KIAA1217: variants seen among roughly 807,000 people sequenced by gnomAD.
KIAA1217 encodes the protein KIAA1217, also known as sickle tail protein homolog.
Under a neutral mutation model 163.9 loss-of-function variants are expected in KIAA1217, and 88 were observed. That is an observed-to-expected ratio of 0.54 (90% CI 0.45 to 0.64). The LOEUF (loss-of-function observed/expected upper bound fraction) is 0.64. Ranked by LOEUF, KIAA1217 falls within the 30% of genes least tolerant of loss-of-function variation. KIAA1217 has a pLI of 0.00. For missense variants in KIAA1217, 2,372 were observed against 2,475.0 expected (o/e 0.96, Z 0.88); for synonymous variants, 903 against 923.1 (o/e 0.98, Z 0.39).
chr10:24,531,879 G>A lies in KIAA1217; in HGVS notation c.3132G>A (p.Ser1044=), dbSNP rs765180894. The change falls in exon 15 of 21, where the codon TCG becomes TCA. Residue 1044 remains serine (S), a synonymous_variant. Transcript: ENST00000376454. The part of the protein sequence containing the change: ...EQDLEKLGGK[S]PPPPPPPPRR... ...ACTTGGAAAAGCTGGGGGGAAAGTC[G>A]CCCCCTCCTCCTCCGCCACCTCCTC... The A allele has an allele frequency of 2.7e-5, 43 of 1,607,182 alleles. No individual in the cohort carries two copies. The highest frequency in any genetic ancestry group is 1.3e-4 in the African/African-American group (10 of 74,738).
chr10:23,949,469 A>G (rs959714046), intron 1 of KIAA1217, among the ~76,000 whole-genome samples: 1 of 152,218 alleles, frequency 6.6e-6, no homozygotes, highest in Non-Finnish European at 1.5e-5. Context: ...CGTTTCCCTG[A>G]CAATGATTAC....
intron 2 of KIAA1217, among the ~76,000 whole-genome samples, chr10:24,014,721 G>GA (rs1447099505): frequency 1.3e-5 from 2 of 152,200 alleles, no homozygotes; most frequent in East Asian, 1.9e-4. Context: ...CAAAACTTTG[G>GA]AAAAAATTAG....
At chr10:23,701,952 A>G (rs1258542306) in intron 1 of KIAA1217, among the ~76,000 whole-genome samples, 1 of 152,224 alleles carries the variant, frequency 6.6e-6, no homozygotes, top group East Asian at 1.9e-4. Flanking sequence ...GTTTTGCTTT[A>G]CCAGAGAAAA....
intron 2 of KIAA1217, among the ~76,000 whole-genome samples, chr10:24,228,603 G>C (rs2070924060): frequency 6.6e-6 from 1 of 152,134 alleles, no homozygotes; most frequent in South Asian, 2.1e-4. Flanking sequence ...GACAGAGAGA[G>C]ACAGAGCTGA....
intron 2 of KIAA1217, among the ~76,000 whole-genome samples, chr10:24,114,252 G>A (rs1201028882): frequency 6.6e-6 from 1 of 152,158 alleles, no homozygotes; most frequent in Non-Finnish European, 1.5e-5. Flanking sequence ...AATGCTGACT[G>A]ATGGATGCAG....
intron 1 of KIAA1217, among the ~76,000 whole-genome samples, chr10:23,830,497 C>G (rs918227885): frequency 6.6e-6 from 1 of 152,084 alleles, no homozygotes; most frequent in Non-Finnish European, 1.5e-5. Context: ...CTTTTAAGAG[C>G]CTTCTGTCTC....
intron 1 of KIAA1217, among the ~76,000 whole-genome samples, chr10:23,708,736 A>T (rs910169476): frequency 6.6e-6 from 1 of 152,194 alleles, no homozygotes; most frequent in Non-Finnish European, 1.5e-5. Context: ...GATTTATTCT[A>T]AGGATGGTAT....
At chr10:23,707,857 C>T (rs749553049) in intron 1 of KIAA1217, among the ~76,000 whole-genome samples, 2 of 152,004 alleles carry the variant, frequency 1.3e-5, no homozygotes, top group Non-Finnish European at 2.9e-5. Context: ...CATTCCAGTT[C>T]TTTACATTTT....
intron 1 of KIAA1217, among the ~76,000 whole-genome samples, chr10:24,211,586 TATTG>T (rs1426169947): frequency 3.4e-5 from 5 of 145,824 alleles, no homozygotes; most frequent in South Asian, 2.2e-4. Flanking sequence ...TATTGTATTG[TATTG>T]TATTTTATTT....
intron 1 of KIAA1217, among the ~76,000 whole-genome samples, chr10:23,918,733 T>TATACACACACACAC (rs769797460): frequency 5.4e-5 from 8 of 147,476 alleles, no homozygotes; most frequent in African/African-American, 2.0e-4. Flanking sequence ...ATTAAATATA[T>TATACACACACACAC]ACACACACAC....
intron 2 of KIAA1217, among the ~76,000 whole-genome samples, chr10:24,319,160 C>A (rs984306864): frequency 3.9e-5 from 6 of 152,004 alleles, no homozygotes; most frequent in Non-Finnish European, 7.4e-5. Flanking sequence ...GGCAGATCAC[C>A]TGAGGTCAGG....
Position 24,238,706 on chromosome 10 carries a change from G to A in KIAA1217, c.354+18797G>A, listed in dbSNP as rs1054030066. Among the ~76,000 whole-genome samples, 5 of 152,126 alleles carry A rather than the reference G, an allele frequency of 3.3e-5. No individual in the cohort carries two copies. The South Asian group carries it at 1.0e-3, about 32-fold the overall frequency. The stretch of plus-strand genomic sequence containing the variant: ...AAGGGGGCTGGTGGAGAACAGAGTG[G>A]AAAAGAAGTATCAATTGAAGGTTTT... On this transcript the variant is annotated intron_variant, in intron 2 of 20. Coordinates refer to ENST00000376454, the MANE Select transcript of KIAA1217 (RefSeq NM_019590.5).
intron 3 of KIAA1217, among the ~76,000 whole-genome samples, chr10:24,420,989 TTTTG>T (rs370766839): frequency 0.01 from 1,497 of 146,166 alleles, 30 homozygotes; most frequent in African/African-American, 0.036. Flanking sequence ...TTATAAGTGG[TTTTG>T]TTTGTTTGTT....
chr10:23,826,116 A>C (rs1390752173), intron 1 of KIAA1217, among the ~76,000 whole-genome samples: 1 of 152,134 alleles, frequency 6.6e-6, no homozygotes, highest in Non-Finnish European at 1.5e-5. Context: ...AGTTGAGTCT[A>C]TCTAGATTTA....
At chr10:24,010,869 A>G (rs923476629) in intron 2 of KIAA1217, among the ~76,000 whole-genome samples, 38 of 152,092 alleles carry the variant, frequency 2.5e-4, no homozygotes, top group African/African-American at 9.2e-4. Context: ...TGGTCATGGA[A>G]GGGAAGCAAA....
chr10:24,198,451 A>T (rs2067091145), intron 2 of KIAA1217, among the ~76,000 whole-genome samples: 1 of 152,122 alleles, frequency 6.6e-6, no homozygotes, highest in African/African-American at 2.4e-5. Flanking sequence ...TGTACTAAAA[A>T]TACAAAAATT....
chr10:23,964,050 C>T (rs535226457), intron 1 of KIAA1217, among the ~76,000 whole-genome samples: 8 of 151,962 alleles, frequency 5.3e-5, no homozygotes, highest in African/African-American at 9.6e-5. Context: ...TGCACCACCA[C>T]GCTCAGCTAA....
chr10:24,262,425 A>C (rs1057032114), intron 2 of KIAA1217, among the ~76,000 whole-genome samples: 2 of 152,016 alleles, frequency 1.3e-5, no homozygotes, highest in Admixed American at 1.3e-4. Context: ...CAGGAGATAG[A>C]GACCATCCTG....
chr10:23,776,694 T>C (rs980093975), intron 1 of KIAA1217, among the ~76,000 whole-genome samples: 7 of 148,130 alleles, frequency 4.7e-5, no homozygotes, highest in Non-Finnish European at 1.0e-4. Flanking sequence ...TTTTTTTTTT[T>C]TTTTGCGACA....
Sources: gnomAD v4.1 joint callset for allele counts (sites outside exome capture counted in the v4.1 genomes callset) on GRCh38, gnomAD v4.1.1 for gene constraint, MANE v1.5 for transcripts, NCBI Gene and HGNC (gene_info 2026-07-23, HGNC 2026-07-21) for gene names.